Variants in THSD4 observed in about 807,000 individuals in gnomAD.
THSD4 encodes thrombospondin type-1 domain-containing protein 4.
THSD4 carries 69 observed loss-of-function variants against 119.0 expected under a neutral mutation model. The ratio of observed to expected loss-of-function variants is 0.58; its 90% CI spans 0.48 to 0.71. The LOEUF (loss-of-function observed/expected upper bound fraction) is 0.71, where lower values mean the gene tolerates loss of function less well. Ranked by LOEUF, THSD4 falls within the 30% of genes least tolerant of loss-of-function variation. The pLI is 0.00. For synonymous variants in THSD4, 524 were observed against 540.4 expected (o/e 0.97, Z 0.42); for missense variants, 1,393 against 1,391.1 (o/e 1.00, Z -0.02).
intron 3 of THSD4, among the ~76,000 whole-genome samples, chr15:71,192,865 C>T (rs1274365643): frequency 2.0e-5 from 3 of 152,126 alleles, no homozygotes; most frequent in Admixed American, 2.0e-4. Context: ...GCCCGGATTC[C>T]CTAACAGCCC....
chr15:71,286,993 C>T (rs1475201319), intron 6 of THSD4, among the ~76,000 whole-genome samples: 3 of 152,072 alleles, frequency 2.0e-5, no homozygotes, highest in South Asian at 2.1e-4. Context: ...GGGGTTATTC[C>T]GAATTTTGCC....
chr15:71,405,495 G>T (rs1170592110), intron 6 of THSD4, among the ~76,000 whole-genome samples: 4 of 152,158 alleles, frequency 2.6e-5, no homozygotes, highest in African/African-American at 7.2e-5. Flanking sequence ...AAAATCAATT[G>T]TCCATAAATG....
At chr15:71,767,888 G>A (rs533881115) in intron 16 of THSD4, among the ~76,000 whole-genome samples, 4 of 152,298 alleles carry the variant, frequency 2.6e-5, no homozygotes, top group African/African-American at 9.6e-5. Context: ...GAGCCAACTT[G>A]TAGAGGCTCC....
In THSD4 at chr15:71,660,695, A is replaced by G. The variant is rs552431530; in HGVS notation, c.1318A>G (p.Ile440Val). 20 of 1,614,134 alleles carry G rather than the reference A, an allele frequency of 1.2e-5. No homozygotes were observed. In the South Asian group the frequency reaches 1.3e-4, roughly 11 times the overall value. Reference sequence around the variant, plus strand: ...GGAGATTCCCGAGGGAGCCACGAAAATCAACATCACGGAGATGTACAAGAG... The same window carrying G: ...GGAGATTCCCGAGGGAGCCACGAAAGTCAACATCACGGAGATGTACAAGAG... Reference protein sequence around the residue: ...VVEIPEGATKINITEMYKSNN... With the variant: ...VVEIPEGATKVNITEMYKSNN... Residue 440 changes from isoleucine to valine, a missense_variant, in exon 8 of 18, where the codon ATC becomes GTC. Ile to Val is a conservative substitution (Grantham distance 29). Transcript: ENST00000261862.
intron 6 of THSD4, among the ~76,000 whole-genome samples, chr15:71,385,411 A>G (rs2140459065): frequency 6.6e-6 from 1 of 152,316 alleles, no homozygotes; most frequent in African/African-American, 2.4e-5. Flanking sequence ...ATAAGAGTTT[A>G]ATAGAGCAAA....
chr15:71,217,942 A>G (rs892981154), intron 4 of THSD4, among the ~76,000 whole-genome samples: 22 of 151,818 alleles, frequency 1.4e-4, no homozygotes, highest in African/African-American at 5.3e-4. Context: ...ATGTACCACC[A>G]CGCCTAGCTA....
At chr15:71,559,816 A>G (rs1251721780) in intron 7 of THSD4, among the ~76,000 whole-genome samples, 4 of 152,214 alleles carry the variant, frequency 2.6e-5, no homozygotes, top group African/African-American at 9.6e-5. Flanking sequence ...CAGCTCAGCT[A>G]CATTAGAGAA....
chr15:71,731,399 C>T (rs2052977405), intron 10 of THSD4, 182 bp downstream of exon 10: 3 of 604,598 alleles, frequency 5.0e-6, no homozygotes, highest in South Asian at 3.9e-5. Context: ...TGAGCCTTCA[C>T]TGATGAGACT....
rs545841511 is a variant in THSD4, at chr15:71,690,150, G to A, written c.1357+29416G>A. 2.6e-5 allele frequency among the ~76,000 whole-genome samples: 4 copies of A among 152,310 alleles called. No homozygotes were observed. The South Asian group carries it at 8.3e-4, about 32-fold the overall frequency. On this transcript the variant is annotated intron_variant, in intron 8 of 17. Transcript: ENST00000261862. Reference sequence around the variant, plus strand: ...CAGCCAGAGTGATCTTTGCAGAAGGGCCATCCTTGCCTTTGGCTCTGGCCC... The same window carrying A: ...CAGCCAGAGTGATCTTTGCAGAAGGACCATCCTTGCCTTTGGCTCTGGCCC...
intron 6 of THSD4, among the ~76,000 whole-genome samples, chr15:71,368,540 G>A (rs1161125830): frequency 6.6e-6 from 1 of 152,160 alleles, no homozygotes; most frequent in Non-Finnish European, 1.5e-5. Flanking sequence ...ATTAAATAGG[G>A]AATCCTTTCC....
intron 4 of THSD4, among the ~76,000 whole-genome samples, chr15:71,239,931 T>A (rs1195763450): frequency 1.3e-5 from 2 of 152,186 alleles, no homozygotes; most frequent in African/African-American, 4.8e-5. Context: ...ATGTTCTGAG[T>A]CAAATACCTA....
Position 71,478,668 on chromosome 15 carries a change from A to G in THSD4, c.1152+66845A>G, listed in dbSNP as rs185877301. On this transcript the variant is annotated intron_variant, in intron 7 of 17. Coordinates refer to ENST00000261862, the MANE Select transcript of THSD4 (RefSeq NM_024817.3). ...AGCAGCCAAAATTCAGATCACTTCTATGTGGCCTAAAACACAGTTATGCCA... is the reference window on the plus strand; with the variant it reads ...AGCAGCCAAAATTCAGATCACTTCTGTGTGGCCTAAAACACAGTTATGCCA... 3.9e-4 allele frequency among the ~76,000 whole-genome samples: 60 copies of G among 152,350 alleles called. No individual in the cohort carries two copies. The South Asian group carries it at 5.6e-3, about 14-fold the overall frequency.
intron 8 of THSD4, among the ~76,000 whole-genome samples, chr15:71,690,635 AAAAG>A (rs2052027775): frequency 6.6e-6 from 1 of 152,234 alleles, no homozygotes; most frequent in Non-Finnish European, 1.5e-5. Flanking sequence ...GGCAATTTAC[AAAAG>A]AAAGAAGTTT....
chr15:71,399,404 A>G (rs2140482143), intron 6 of THSD4, among the ~76,000 whole-genome samples: 1 of 152,348 alleles, frequency 6.6e-6, no homozygotes, highest in Middle Eastern at 3.4e-3. Context: ...GCAGCTAAAA[A>G]GGGAAGAGAA....
intron 7 of THSD4, among the ~76,000 whole-genome samples, chr15:71,529,641 A>C (rs1595860942): frequency 6.6e-6 from 1 of 152,238 alleles, no homozygotes; most frequent in South Asian, 2.1e-4. Flanking sequence ...GACAGAAGAA[A>C]TAAAAGTAAT....
At chr15:71,574,853 G>T (rs116472827) in intron 7 of THSD4, among the ~76,000 whole-genome samples, 1 of 152,072 alleles carries the variant, frequency 6.6e-6, no homozygotes, top group Non-Finnish European at 1.5e-5. Context: ...CTACCATAGC[G>T]ATTGCCTGAA....
At chr15:71,144,482 A>C (rs2040637259) in intron 2 of THSD4, among the ~76,000 whole-genome samples, 2 of 152,220 alleles carry the variant, frequency 1.3e-5, no homozygotes, top group Non-Finnish European at 2.9e-5. Flanking sequence ...TAAATACATA[A>C]AGATCAATTG....
intron 3 of THSD4, among the ~76,000 whole-genome samples, chr15:71,194,649 A>G (rs1266943481): frequency 2.0e-5 from 3 of 152,140 alleles, no homozygotes; most frequent in Non-Finnish European, 2.9e-5. Context: ...CTACAAATTC[A>G]TTTAGATCCT....
At chr15:71,612,695 A>G (rs1444659848) in intron 7 of THSD4, among the ~76,000 whole-genome samples, 1 of 152,126 alleles carries the variant, frequency 6.6e-6, no homozygotes, top group African/African-American at 2.4e-5. Context: ...GAATTTGACA[A>G]CTCAAAGGGT....
Sources: gnomAD v4.1 joint callset for allele counts (sites outside exome capture counted in the v4.1 genomes callset) on GRCh38, gnomAD v4.1.1 for gene constraint, MANE v1.5 for transcripts, NCBI Gene and HGNC (gene_info 2026-07-23, HGNC 2026-07-21) for gene names.